Variants in PPP1R12B observed in about 807,000 individuals in gnomAD.
PPP1R12B encodes myosin phosphatase target subunit 2.
A neutral mutation model predicts 126.1 loss-of-function variants in PPP1R12B; 76 were observed. The observed-to-expected ratio is 0.60, with a 90% CI of 0.50 to 0.73. The LOEUF (loss-of-function observed/expected upper bound fraction) is 0.73. Ranked by LOEUF, PPP1R12B falls within the 30% of genes least tolerant of loss-of-function variation. The probability of loss-of-function intolerance (pLI) is 0.00; values close to 1 mark genes in which losing one functional copy is unlikely to be tolerated. For missense variants in PPP1R12B, 1,052 were observed against 1,205.1 expected (o/e 0.87, Z 1.88); for synonymous variants, 356 against 434.7 (o/e 0.82, Z 2.25).
chr1:202,484,807 T>C (rs1227742419), intron 13 of PPP1R12B, among the ~76,000 whole-genome samples: 2 of 152,152 alleles, frequency 1.3e-5, no homozygotes, highest in Non-Finnish European at 2.9e-5. Context: ...ACTCTGAATA[T>C]ATCATCTCAT....
chr1:202,462,213 C>T (rs769060048), intron 13 of PPP1R12B, among the ~76,000 whole-genome samples: 4 of 152,298 alleles, frequency 2.6e-5, no homozygotes, highest in Non-Finnish European at 5.9e-5. Flanking sequence ...TACTGTTAAT[C>T]TCCACCAAAC....
intron 8 of PPP1R12B, among the ~76,000 whole-genome samples, chr1:202,432,217 C>G (rs1670275000): frequency 1.3e-5 from 2 of 151,662 alleles, no homozygotes; most frequent in South Asian, 4.2e-4. Context: ...AAGGAAGGAA[C>G]AAAATCATAT....
chr1:202,357,919 C>T (rs944655091), intron 1 of PPP1R12B, among the ~76,000 whole-genome samples: 2 of 152,168 alleles, frequency 1.3e-5, no homozygotes, highest in African/African-American at 4.8e-5. Context: ...ACTATTATAA[C>T]TTATAATAGG....
At chr1:202,460,585 A>G (rs1478170364) in intron 13 of PPP1R12B, among the ~76,000 whole-genome samples, 1 of 152,216 alleles carries the variant, frequency 6.6e-6, no homozygotes, top group East Asian at 1.9e-4. Flanking sequence ...GTTTTGTTCT[A>G]AAGTGATTAG....
At chr1:202,554,144 A>G (rs1301443015) in intron 18 of PPP1R12B, among the ~76,000 whole-genome samples, 1 of 152,208 alleles carries the variant, frequency 6.6e-6, no homozygotes, top group African/African-American at 2.4e-5. Flanking sequence ...TATCTAGGGT[A>G]TCAAGAAGCC....
intron 12 of PPP1R12B, among the ~76,000 whole-genome samples, chr1:202,446,219 TC>T (rs1672228182): frequency 2.7e-5 from 1 of 37,564 alleles, no homozygotes; most frequent in Non-Finnish European, 4.7e-5. Context: ...TATTACTCTC[TC>T]TCTCTCTCTC....
intron 18 of PPP1R12B, among the ~76,000 whole-genome samples, chr1:202,525,324 A>G (rs181500174): frequency 6.6e-6 from 1 of 152,358 alleles, no homozygotes; most frequent in Non-Finnish European, 1.5e-5. Flanking sequence ...AATAACAGAA[A>G]GAAAATATAG....
chr1:202,507,871 G>A (rs1432518857), intron 18 of PPP1R12B, among the ~76,000 whole-genome samples: 1 of 152,186 alleles, frequency 6.6e-6, no homozygotes, highest in Admixed American at 6.5e-5. Context: ...CTTAACCATG[G>A]CTTAGGCTTA....
At chr1:202,410,843 G>T (rs1345749141) in intron 1 of PPP1R12B, among the ~76,000 whole-genome samples, 3 of 152,180 alleles carry the variant, frequency 2.0e-5, no homozygotes, top group Non-Finnish European at 4.4e-5. Flanking sequence ...AGAACACGTT[G>T]TTACTTTAGT....
intron 1 of PPP1R12B, among the ~76,000 whole-genome samples, chr1:202,389,513 A>T (rs1663744767): frequency 6.6e-6 from 1 of 151,784 alleles, no homozygotes; most frequent in African/African-American, 2.4e-5. Context: ...GTGTGGTGGC[A>T]GGCGCCTGTG....
At chr1:202,439,061 T>A in intron 10 of PPP1R12B, 2 of 1,393,232 alleles carry the variant, frequency 1.4e-6, no homozygotes, top group Non-Finnish European at 2.0e-6. Flanking sequence ...CGCCAACTCC[T>A]ATGACCTTGC....
chr1:202,374,934 A>C (rs938186968), intron 1 of PPP1R12B, among the ~76,000 whole-genome samples: 2 of 151,710 alleles, frequency 1.3e-5, no homozygotes, highest in Admixed American at 6.6e-5. Flanking sequence ...TCTTTCTCCA[A>C]CTATTTTCTT....
Position 202,431,582 on chromosome 1 carries a change from A to C in PPP1R12B, c.1104A>C (p.Glu368Asp), listed in dbSNP as rs1670185055. The C allele has an allele frequency of 6.2e-7, 1 of 1,611,126 alleles. No homozygotes were observed. Among genetic ancestry groups the C allele is most frequent in the Non-Finnish European group, 8.5e-7 (1 of 1,179,228 alleles). Residue 368 changes from glutamate to aspartate, a missense_variant, in exon 8 of 24, where the codon GAA (glutamate) becomes GAC (aspartate). Physicochemically the swap from Glu to Asp is conservative, Grantham distance 45 (BLOSUM62 2). Transcript: ENST00000608999. ...CCAGCTCAGAGGAGGAGGAAGGTGA[A>C]GATGAAGCTTCTGAGTCAGAAACTG... ...SSSSSEEEEGEDEASESETEK... is the reference protein window; with the variant it reads ...SSSSSEEEEGDDEASESETEK...
At chr1:202,466,745 A>G (rs1011351375) in intron 13 of PPP1R12B, among the ~76,000 whole-genome samples, 27 of 152,308 alleles carry the variant, frequency 1.8e-4, no homozygotes, top group Non-Finnish European at 3.4e-4. Context: ...AAGTATTGTT[A>G]TAGGCATGTA....
chr1:202,575,080 C>T (rs201440312), intron 23 of PPP1R12B: 150 of 1,613,450 alleles, frequency 9.3e-5, no homozygotes, highest in Non-Finnish European at 1.2e-4. Flanking sequence ...GGCCCTGACC[C>T]GAGTGGTGGC....
chr1:202,374,493 C>CTTTTTTTTTT (rs1160730172), intron 1 of PPP1R12B, among the ~76,000 whole-genome samples: 5 of 89,506 alleles, frequency 5.6e-5, no homozygotes, highest in Admixed American at 1.7e-4. Context: ...TTGTCTCTCT[C>CTTTTTTTTTT]TTTTTTTTTT....
intron 1 of PPP1R12B, among the ~76,000 whole-genome samples, chr1:202,392,669 A>G (rs1415965834): frequency 6.6e-6 from 1 of 151,652 alleles, no homozygotes; most frequent in Non-Finnish European, 1.5e-5. Flanking sequence ...CTACAGGCCC[A>G]CACCACACCT....
At chr1:202,466,464 T>G (rs1675001024) in intron 13 of PPP1R12B, among the ~76,000 whole-genome samples, 1 of 152,118 alleles carries the variant, frequency 6.6e-6, no homozygotes, top group African/African-American at 2.4e-5. Context: ...TAGCCCTTTT[T>G]TTTTTCTGTA....
At chr1:202,566,324 T>G (rs1358737767) in intron 21 of PPP1R12B, among the ~76,000 whole-genome samples, 1 of 152,184 alleles carries the variant, frequency 6.6e-6, no homozygotes, top group Non-Finnish European at 1.5e-5. Flanking sequence ...ATACTTAGTT[T>G]TGCCAAATAC....
Sources: gnomAD v4.1 joint callset for allele counts (sites outside exome capture counted in the v4.1 genomes callset) on GRCh38, gnomAD v4.1.1 for gene constraint, MANE v1.5 for transcripts, NCBI Gene and HGNC (gene_info 2026-07-23, HGNC 2026-07-21) for gene names.